KSR2: variants seen among roughly 807,000 people sequenced by gnomAD.
KSR2 encodes the protein kinase suppressor of ras 2.
KSR2 carries 25 observed loss-of-function variants against 107.8 expected under a neutral mutation model. The observed-to-expected ratio is 0.23, with a 90% CI of 0.17 to 0.32. The LOEUF is 0.32. Ranked by LOEUF, KSR2 falls within the 10% of genes least tolerant of loss-of-function variation. The pLI, the probability that KSR2 is intolerant of heterozygous loss-of-function variation, is 1.00. For missense variants in KSR2, 887 were observed against 1,268.9 expected (o/e 0.70, Z 4.57); for synonymous variants, 480 against 507.0 (o/e 0.95, Z 0.71).
At chr12:117,917,699 G>A (rs568378431) in intron 1 of KSR2, among the ~76,000 whole-genome samples, 46 of 152,164 alleles carry the variant, frequency 3.0e-4, no homozygotes, top group South Asian at 2.1e-3. Flanking sequence ...CATAATGCAC[G>A]CACCCACGGA....
chr12:117,960,460 G>A (rs1896627674), intron 1 of KSR2, among the ~76,000 whole-genome samples: 1 of 152,180 alleles, frequency 6.6e-6, no homozygotes, highest in Admixed American at 6.5e-5. Context: ...GAACACCGTT[G>A]CTGCCACCAT....
At chr12:117,765,413 C>T (rs1889190423) in intron 3 of KSR2, among the ~76,000 whole-genome samples, 1 of 152,184 alleles carries the variant, frequency 6.6e-6, no homozygotes, top group Non-Finnish European at 1.5e-5. Flanking sequence ...CACTGACCAG[C>T]TCTGTGACCT....
At chr12:117,763,826 G>A (rs1373887111) in intron 3 of KSR2, among the ~76,000 whole-genome samples, 5 of 152,164 alleles carry the variant, frequency 3.3e-5, no homozygotes, top group African/African-American at 4.8e-5. Context: ...TGCAAGAGAT[G>A]ATGCTGGCTC....
intron 1 of KSR2, among the ~76,000 whole-genome samples, chr12:117,918,212 C>T (rs1390358131): frequency 6.6e-6 from 1 of 152,248 alleles, no homozygotes; most frequent in Non-Finnish European, 1.5e-5. Flanking sequence ...ATTATGGCTT[C>T]CTTGGCACCT....
chr12:117,614,630 C>G (rs1593052891), intron 5 of KSR2, among the ~76,000 whole-genome samples: 1 of 152,150 alleles, frequency 6.6e-6, no homozygotes, highest in Non-Finnish European at 1.5e-5. Context: ...ATTGACATCT[C>G]CATGTGGAGA....
chr12:117,956,021 C>T (rs954753020), intron 1 of KSR2, among the ~76,000 whole-genome samples: 9 of 151,796 alleles, frequency 5.9e-5, no homozygotes, highest in African/African-American at 9.7e-5. Context: ...GAGGCCGAGA[C>T]GGGCGGATCA....
At chr12:117,663,513 C>T (rs929958141) in intron 5 of KSR2, among the ~76,000 whole-genome samples, 1 of 152,218 alleles carries the variant, frequency 6.6e-6, no homozygotes, top group Non-Finnish European at 1.5e-5. Context: ...TAACATACAG[C>T]AATGGCTCCC....
At chr12:117,918,775 C>T (rs566679256) in intron 1 of KSR2, among the ~76,000 whole-genome samples, 2 of 139,020 alleles carry the variant, frequency 1.4e-5, no homozygotes, top group East Asian at 2.2e-4. Context: ...GCAACAAGGG[C>T]GAAACTCCGT....
At chr12:117,678,088 C>G (rs1487694002) in intron 4 of KSR2, among the ~76,000 whole-genome samples, 1 of 150,190 alleles carries the variant, frequency 6.7e-6, no homozygotes, top group Non-Finnish European at 1.5e-5. Context: ...GCATGTGCCA[C>G]CAAAGCCCAG....
At chr12:117,563,985 G>A (rs1426952951) in intron 7 of KSR2, among the ~76,000 whole-genome samples, 2 of 152,078 alleles carry the variant, frequency 1.3e-5, no homozygotes, top group Non-Finnish European at 2.9e-5. Flanking sequence ...GTGGAAACAG[G>A]GAGCCCAATT....
At chr12:117,639,722 G>A (rs1479816690) in intron 5 of KSR2, among the ~76,000 whole-genome samples, 3 of 151,356 alleles carry the variant, frequency 2.0e-5, no homozygotes, top group Non-Finnish European at 4.4e-5. Context: ...TACTTGAGGT[G>A]GGAGATGTCT....
At chr12:117,595,655 G>A (rs1473717994) in intron 5 of KSR2, among the ~76,000 whole-genome samples, 7 of 152,176 alleles carry the variant, frequency 4.6e-5, no homozygotes, top group Non-Finnish European at 7.3e-5. Context: ...GAGCCACCGC[G>A]CCCGGCCCTG....
chr12:117,468,538 A>G (rs973063470), intron 19 of KSR2, among the ~76,000 whole-genome samples: 1 of 152,142 alleles, frequency 6.6e-6, no homozygotes, highest in African/African-American at 2.4e-5. Context: ...AGAGCCTCCT[A>G]ATGTCCACAG....
At chr12:117,612,957 G>A (rs1881684477) in intron 5 of KSR2, among the ~76,000 whole-genome samples, 1 of 152,166 alleles carries the variant, frequency 6.6e-6, no homozygotes, top group African/African-American at 2.4e-5. Context: ...CTTCTGCCAT[G>A]ATTGTAAGTT....
chr12:117,635,948 T>C (rs7308764), intron 5 of KSR2, among the ~76,000 whole-genome samples: 25,086 of 152,104 alleles, frequency 0.16, 2,159 homozygotes, highest in Middle Eastern at 0.24. Flanking sequence ...CACACCACCA[T>C]GCCTGGCTAA....
intron 7 of KSR2, among the ~76,000 whole-genome samples, chr12:117,568,501 T>A (rs1478890481): frequency 1.3e-5 from 2 of 152,166 alleles, no homozygotes; most frequent in African/African-American, 4.8e-5. Flanking sequence ...TCTGGGATCG[T>A]GAATCTGAGC....
At chr12:117,770,470 C>T (rs1053362729) in intron 3 of KSR2, among the ~76,000 whole-genome samples, 1 of 151,940 alleles carries the variant, frequency 6.6e-6, no homozygotes, top group African/African-American at 2.4e-5. Flanking sequence ...TTTCAAGCCC[C>T]TAGAACTGTG....
In KSR2 at chr12:117,484,479, T is replaced by C. The variant is rs760531376; in HGVS notation, c.2387A>G (p.Asn796Ser). The C allele has an allele frequency of 2.5e-6, 4 of 1,614,014 alleles. No individual in the cohort carries two copies. In the South Asian group the frequency reaches 3.3e-5, roughly 13 times the overall value. The stretch of plus-strand genomic sequence containing the variant: ...AAAGTCCGTGATGACCACTTTGCCG[T>C]TGTCATAGAAGACGTTCTTTGACTT... ...DLKSKNVFYD[N>S]GKVVITDFGL... Residue 796 changes from asparagine (N) to serine (S), a missense_variant, in exon 16 of 20, where the codon AAC becomes AGC. Asn to Ser is a conservative substitution (Grantham distance 46). This residue lies in a region of KSR2 where 308 missense variants were observed against 506.2 expected (regional missense o/e 0.61). Coordinates refer to ENST00000339824, the MANE Select transcript of KSR2 (RefSeq NM_173598.6).
At chr12:117,640,353 T>C (rs1883301242) in intron 5 of KSR2, among the ~76,000 whole-genome samples, 1 of 151,948 alleles carries the variant, frequency 6.6e-6, no homozygotes, top group Non-Finnish European at 1.5e-5. Context: ...CAAGTTCAAG[T>C]GACTCTCCCA....
Sources: allele counts gnomAD v4.1 joint callset (sites outside exome capture counted in the v4.1 genomes callset), GRCh38; gene constraint gnomAD v4.1.1; regional missense constraint gnomAD v4.1.1; transcripts MANE v1.5; gene names NCBI Gene and HGNC (gene_info 2026-07-23, HGNC 2026-07-21).